RPS6KC1: variants seen among roughly 807,000 people sequenced by gnomAD.
RPS6KC1 encodes inactive ribosomal protein S6 kinase delta-1.
Under a neutral mutation model 103.8 loss-of-function variants are expected in RPS6KC1, and 54 were observed. That is an observed-to-expected ratio of 0.52 (90% CI 0.42 to 0.65). The LOEUF (loss-of-function observed/expected upper bound fraction) is 0.65. Among genes scored for constraint, RPS6KC1 ranks in the 30% least tolerant of loss-of-function variants. The probability of loss-of-function intolerance (pLI) is 0.00; values close to 1 mark genes in which losing one functional copy is unlikely to be tolerated. For synonymous variants in RPS6KC1, 439 were observed against 438.7 expected (o/e 1.00, Z -0.01); for missense variants, 1,151 against 1,253.8 (o/e 0.92, Z 1.24).
the RPS6KC1 span, among the ~76,000 whole-genome samples, chr1:213,430,147 G>C: frequency 2.0e-5 from 3 of 152,102 alleles, no homozygotes; most frequent in Admixed American, 6.5e-5. Flanking sequence ...CAGGTAAGAG[G>C]CTTGTCAAAT....
At chr1:213,512,453 A>G in the RPS6KC1 span, among the ~76,000 whole-genome samples, 9 of 152,148 alleles carry the variant, frequency 5.9e-5, no homozygotes, top group Non-Finnish European at 1.0e-4. Flanking sequence ...TGGCTGTAAT[A>G]AAAGTCACAC....
the RPS6KC1 span, among the ~76,000 whole-genome samples, chr1:213,321,233 A>G: frequency 6.6e-6 from 1 of 152,346 alleles, no homozygotes; most frequent in African/African-American, 2.4e-5. Context: ...GTGATGGTAT[A>G]AGTTTTTCTG....
chr1:213,606,406 A>G, the RPS6KC1 span, among the ~76,000 whole-genome samples: 1 of 152,176 alleles, frequency 6.6e-6, no homozygotes, highest in South Asian at 2.1e-4. Context: ...ATTTTGTCAC[A>G]TTCTGTTCCT....
the RPS6KC1 span, among the ~76,000 whole-genome samples, chr1:213,669,384 G>T: frequency 6.6e-6 from 1 of 152,144 alleles, no homozygotes; most frequent in South Asian, 2.1e-4. Flanking sequence ...GGGCAGAGTG[G>T]TCGCAACACA....
chr1:213,191,741 T>A (rs988647497), intron 8 of RPS6KC1, among the ~76,000 whole-genome samples: 1 of 152,064 alleles, frequency 6.6e-6, no homozygotes, highest in Non-Finnish European at 1.5e-5. Context: ...AGGCTTTCAG[T>A]TTTTCCCCCA....
At chr1:213,328,340 G>T in the RPS6KC1 span, among the ~76,000 whole-genome samples, 6 of 151,884 alleles carry the variant, frequency 4.0e-5, no homozygotes, top group Non-Finnish European at 8.8e-5. Flanking sequence ...GTAGGCCATT[G>T]TTATCCTTAA....
At chr1:213,514,930 G>A in the RPS6KC1 span, among the ~76,000 whole-genome samples, 3 of 152,200 alleles carry the variant, frequency 2.0e-5, no homozygotes, top group African/African-American at 7.2e-5. Context: ...TCTAACTGGT[G>A]TGGGATGGTA....
the RPS6KC1 span, among the ~76,000 whole-genome samples, chr1:213,425,789 T>A: frequency 6.6e-6 from 1 of 152,142 alleles, no homozygotes; most frequent in Non-Finnish European, 1.5e-5. Flanking sequence ...CTTTAATTAG[T>A]CAGAGTTTTT....
At chr1:213,428,654 C>T in the RPS6KC1 span, 2 of 144,410 alleles carry the variant, frequency 1.4e-5, no homozygotes, top group Non-Finnish European at 3.0e-5. Flanking sequence ...TTCTCTCTCC[C>T]CCTCTCTCTT....
At chr1:213,578,569 C>T in the RPS6KC1 span, among the ~76,000 whole-genome samples, 1 of 152,228 alleles carries the variant, frequency 6.6e-6, no homozygotes, top group East Asian at 1.9e-4. Flanking sequence ...CCATGAGGTT[C>T]ATCAGTGTAA....
the RPS6KC1 span, among the ~76,000 whole-genome samples, chr1:213,544,539 C>A: frequency 6.6e-6 from 1 of 152,200 alleles, no homozygotes; most frequent in African/African-American, 2.4e-5. Flanking sequence ...CCTTCCGTGG[C>A]CCCTCTGTGT....
the RPS6KC1 span, among the ~76,000 whole-genome samples, chr1:213,549,476 CAGA>C: frequency 1.3e-5 from 2 of 152,082 alleles, no homozygotes; most frequent in Non-Finnish European, 2.9e-5. Context: ...CAGTCATTAT[CAGA>C]AGGAGTATAA....
At chr1:213,588,778 C>A in the RPS6KC1 span, among the ~76,000 whole-genome samples, 1 of 152,124 alleles carries the variant, frequency 6.6e-6, no homozygotes, top group African/African-American at 2.4e-5. Context: ...AAATAAAGGG[C>A]AGGTCCCTCT....
chr1:213,852,870 G>A, the RPS6KC1 span, among the ~76,000 whole-genome samples: 9 of 152,262 alleles, frequency 5.9e-5, no homozygotes, highest in East Asian at 1.9e-4. Context: ...CAAAGTGTGC[G>A]TGACACATTT....
At chr1:213,381,788 C>T in the RPS6KC1 span, among the ~76,000 whole-genome samples, 2 of 152,202 alleles carry the variant, frequency 1.3e-5, no homozygotes, top group Non-Finnish European at 2.9e-5. Context: ...CATTTGTTTG[C>T]CCTTTCTCTA....
At chr1:213,740,040 A>G in the RPS6KC1 span, among the ~76,000 whole-genome samples, 1 of 152,160 alleles carries the variant, frequency 6.6e-6, no homozygotes, top group African/African-American at 2.4e-5. Flanking sequence ...AATGAGGGTA[A>G]TTAATAGAAT....
the RPS6KC1 span, among the ~76,000 whole-genome samples, chr1:213,785,201 C>G: frequency 6.6e-6 from 1 of 152,232 alleles, no homozygotes; most frequent in Non-Finnish European, 1.5e-5. Flanking sequence ...TTTTACAAAG[C>G]TGTTCGTATC....
chr1:213,539,947 A>G, the RPS6KC1 span, among the ~76,000 whole-genome samples: 1 of 152,230 alleles, frequency 6.6e-6, no homozygotes, highest in Non-Finnish European at 1.5e-5. Context: ...CTAAAAAAAG[A>G]TGTACATACC....
the RPS6KC1 span, among the ~76,000 whole-genome samples, chr1:213,441,397 G>A: frequency 1.1e-4 from 17 of 152,080 alleles, no homozygotes; most frequent in Non-Finnish European, 2.1e-4. Flanking sequence ...TGCTCCTATG[G>A]GTTCAATTGT....
Sources: gnomAD v4.1 joint callset for allele counts (sites outside exome capture counted in the v4.1 genomes callset) on GRCh38, gnomAD v4.1.1 for gene constraint, MANE v1.5 for transcripts, NCBI Gene and HGNC (gene_info 2026-07-23, HGNC 2026-07-21) for gene names.